Variants in CNTN5 observed in about 807,000 individuals in gnomAD.
CNTN5 encodes the protein contactin-5.
In CNTN5, 77 loss-of-function variants were observed where a neutral mutation model predicts 129.1. The observed-to-expected ratio is 0.60, with a 90% CI of 0.50 to 0.72. The LOEUF (loss-of-function observed/expected upper bound fraction) is 0.72, where lower values mean the gene tolerates loss of function less well. Ranked by LOEUF, CNTN5 falls within the 30% of genes least tolerant of loss-of-function variation. The probability of loss-of-function intolerance (pLI) is 0.00; values close to 1 mark genes in which losing one functional copy is unlikely to be tolerated. For synonymous variants in CNTN5, 509 were observed against 465.6 expected (o/e 1.09, Z -1.20); for missense variants, 1,478 against 1,328.8 (o/e 1.11, Z -1.75).
At chr11:99,661,953 A>T (rs1952608786) in intron 3 of CNTN5, among the ~76,000 whole-genome samples, 1 of 152,110 alleles carries the variant, frequency 6.6e-6, no homozygotes, top group African/African-American at 2.4e-5. Context: ...ATATAGACAG[A>T]CTATCATGAG....
At chr11:99,362,481 T>C (rs1026844727) in intron 2 of CNTN5, among the ~76,000 whole-genome samples, 1 of 152,012 alleles carries the variant, frequency 6.6e-6, no homozygotes, top group African/African-American at 2.4e-5. Context: ...GTTTTTAATT[T>C]TGATAAAAAA....
intron 1 of CNTN5, among the ~76,000 whole-genome samples, chr11:99,089,218 T>G (rs1866132544): frequency 6.6e-6 from 1 of 152,056 alleles, no homozygotes; most frequent in Non-Finnish European, 1.5e-5. Context: ...AATTTCTATA[T>G]CTAGTATACA....
chr11:99,476,205 T>C (rs113216581), intron 2 of CNTN5, among the ~76,000 whole-genome samples: 6,634 of 152,166 alleles, frequency 0.044, 177 homozygotes, highest in South Asian at 0.082. Flanking sequence ...ACATTAAAAT[T>C]ATCACAAGAT....
rs148079837 is a variant in CNTN5 at position 99,594,436 on chromosome 11, C to A, written c.55+38167C>A. ...AAGGTAGTCTTGGTCTGTTTCTTTG[C>A]GTTTAGACCATTGTGTAAGCTCAAT... On this transcript the variant is annotated intron_variant, in intron 3 of 24. Coordinates refer to ENST00000524871, the MANE Select transcript of CNTN5 (RefSeq NM_014361.4). Among the ~76,000 whole-genome samples the A allele has an allele frequency of 2.9e-3, 442 of 152,124 alleles. 3 individuals are homozygous for A. Among genetic ancestry groups the A allele is most frequent in the African/African-American group, 0.01 (417 of 41,510 alleles).
rs9736596 is a variant in CNTN5, at chr11:99,964,369, A to T, written c.877+7360A>T. 2.6e-5 allele frequency among the ~76,000 whole-genome samples: 4 copies of T among 152,068 alleles called. 1 individual carries two copies. The highest frequency in any genetic ancestry group is 2.1e-4 in the South Asian group (1 of 4,826). On this transcript the variant is annotated intron_variant, in intron 8 of 24. Coordinates refer to ENST00000524871, the MANE Select transcript of CNTN5 (RefSeq NM_014361.4). Reference sequence around the variant, plus strand: ...TTTATTGAGAGTTTTTAGCATGAAGATTGTTGAATTTTGTCAAAGGCCTTT... The same window carrying T: ...TTTATTGAGAGTTTTTAGCATGAAGTTTGTTGAATTTTGTCAAAGGCCTTT...
intron 2 of CNTN5, among the ~76,000 whole-genome samples, chr11:99,488,626 C>T (rs972324517): frequency 2.6e-5 from 4 of 152,174 alleles, no homozygotes; most frequent in Non-Finnish European, 5.9e-5. Context: ...TTTCTACATT[C>T]TGTCTGCATC....
At chr11:99,481,532 C>A (rs1173716753) in intron 2 of CNTN5, among the ~76,000 whole-genome samples, 2 of 152,118 alleles carry the variant, frequency 1.3e-5, no homozygotes, top group Admixed American at 1.3e-4. Context: ...TGTGAGAAAT[C>A]TTTTAAAATA....
At chr11:99,654,080 A>C (rs1952258463) in intron 3 of CNTN5, among the ~76,000 whole-genome samples, 1 of 152,144 alleles carries the variant, frequency 6.6e-6, no homozygotes, top group African/African-American at 2.4e-5. Flanking sequence ...ATTTTATTAG[A>C]ATGCAAACAA....
At chr11:99,382,935 C>A (rs1306406032) in intron 2 of CNTN5, among the ~76,000 whole-genome samples, 1 of 137,702 alleles carries the variant, frequency 7.3e-6, no homozygotes, top group African/African-American at 2.7e-5. Flanking sequence ...CGGCTCACTG[C>A]AACCTCCGCC....
At chr11:99,915,425 A>G (rs1350739663) in intron 6 of CNTN5, among the ~76,000 whole-genome samples, 7 of 152,154 alleles carry the variant, frequency 4.6e-5, no homozygotes, top group African/African-American at 1.7e-4. Context: ...AGAAGTGAAT[A>G]TTTCGTTAAC....
chr11:100,192,572 C>A (rs1407428234), intron 14 of CNTN5, among the ~76,000 whole-genome samples: 2 of 151,960 alleles, frequency 1.3e-5, no homozygotes, highest in African/African-American at 2.4e-5. Flanking sequence ...TTGTTAATCA[C>A]TGTGTTAATT....
chr11:100,104,622 T>C (rs1945354110), intron 13 of CNTN5, among the ~76,000 whole-genome samples: 1 of 152,140 alleles, frequency 6.6e-6, no homozygotes, highest in Non-Finnish European at 1.5e-5. Context: ...CAGTTAACTT[T>C]ACATGGGTTA....
intron 2 of CNTN5, among the ~76,000 whole-genome samples, chr11:99,391,010 A>C (rs1460192898): frequency 6.6e-6 from 1 of 152,090 alleles, no homozygotes; most frequent in Non-Finnish European, 1.5e-5. Flanking sequence ...TTAACTAAAT[A>C]ACTTCACTTT....
In CNTN5 at chr11:99,956,987, G is replaced by A. The variant is rs1448252108; in HGVS notation, c.855G>A (p.Thr285=). Residue 285 remains threonine, a synonymous_variant, in exon 8 of 25, where the codon ACG becomes ACA. Coordinates refer to ENST00000524871, the MANE Select transcript of CNTN5 (RefSeq NM_014361.4). ...VTNARVLSPP[T]PLTLRNDGVM... ...ATGCTAGAGTCCTTAGTCCTCCAACGCCACTCACTCTGCGTAATGATGGTA... is the reference window on the plus strand; with the variant it reads ...ATGCTAGAGTCCTTAGTCCTCCAACACCACTCACTCTGCGTAATGATGGTA... The A allele has an allele frequency of 1.2e-6, 2 of 1,613,578 alleles. No homozygotes were observed. Among genetic ancestry groups the A allele is most frequent in the Non-Finnish European group, 1.7e-6 (2 of 1,179,710 alleles).
chr11:99,820,162 C>G (rs373187025), intron 4 of CNTN5, among the ~76,000 whole-genome samples: 1 of 57,602 alleles, frequency 1.7e-5, no homozygotes, highest in Non-Finnish European at 4.1e-5. Context: ...GTCTTCTTTT[C>G]TAAACATCTT....
intron 2 of CNTN5, among the ~76,000 whole-genome samples, chr11:99,459,563 G>A (rs1348428975): frequency 6.6e-6 from 1 of 151,948 alleles, no homozygotes; most frequent in East Asian, 1.9e-4. Context: ...GGAATAAAAA[G>A]GACAGTTTTG....
intron 4 of CNTN5, among the ~76,000 whole-genome samples, chr11:99,825,003 G>C (rs73557519): frequency 0.014 from 2,172 of 152,012 alleles, 56 homozygotes; most frequent in African/African-American, 0.047. Context: ...TGTTAAGTTG[G>C]TATATAGAGC....
chr11:99,449,041 C>T (rs962332329), intron 2 of CNTN5, among the ~76,000 whole-genome samples: 1 of 152,034 alleles, frequency 6.6e-6, no homozygotes, highest in Non-Finnish European at 1.5e-5. Flanking sequence ...TCTTGGTCTC[C>T]AAAGTGCTGT....
At chr11:99,636,136 A>T (rs674717) in intron 3 of CNTN5, among the ~76,000 whole-genome samples, 93,160 of 151,782 alleles carry the variant, frequency 0.61, 29,254 homozygotes, top group Admixed American at 0.7. Context: ...ATAGATACCC[A>T]TATGCATATA....
Sources: allele counts gnomAD v4.1 joint callset (sites outside exome capture counted in the v4.1 genomes callset), GRCh38; gene constraint gnomAD v4.1.1; transcripts MANE v1.5; gene names NCBI Gene and HGNC (gene_info 2026-07-23, HGNC 2026-07-21).